The following RNF169 variants were observed in gnomAD, a reference collection of about 807,000 sequenced individuals.
RNF169 encodes ring finger protein 169, also known as E3 ubiquitin-protein ligase RNF169.
A neutral mutation model predicts 53.9 loss-of-function variants in RNF169; 24 were observed. The observed-to-expected ratio is 0.45, with a 90% CI of 0.32 to 0.63. The LOEUF is 0.63. Ranked by LOEUF, RNF169 falls within the 20% of genes least tolerant of loss-of-function variation. RNF169 has a pLI of 0.04. For missense variants in RNF169, 883 were observed against 906.2 expected (o/e 0.97, Z 0.33); for synonymous variants, 396 against 363.5 (o/e 1.09, Z -1.02).
chr11:74,792,832 G>A (rs2035597261), intron 2 of RNF169, among the ~76,000 whole-genome samples: 1 of 152,196 alleles, frequency 6.6e-6, no homozygotes, highest in African/African-American at 2.4e-5. Context: ...TTTGAGTGAA[G>A]CTAGGATAAT....
In RNF169 at chr11:74,836,736, A is replaced by C. The variant is rs760391346; in HGVS notation, c.*6A>C. On this transcript the variant is annotated 3_prime_UTR_variant, in exon 6 of 6. Transcript: ENST00000299563. ...ACATGGCCGGGGCCAAGTAGCACCT[A>C]ATGAAGTGTTACCTATTTTTAAAAG... The C allele has an allele frequency of 1.3e-6, 2 of 1,590,452 alleles. No homozygotes were observed. Among genetic ancestry groups the C allele is most frequent in the Non-Finnish European group, 1.7e-6 (2 of 1,168,230 alleles).
chr11:74,749,130 G>GGCC lies in RNF169; in HGVS notation c.251_253dup (p.Gly84_His85insArg). 7.5e-7 allele frequency: 1 copy of GGCC among 1,340,980 alleles called. No homozygotes were observed. The highest frequency in any genetic ancestry group is 9.6e-7 in the Non-Finnish European group (1 of 1,043,744). The allele number at this position is 1,340,980 out of a possible 1,614,324, so 83.1% of individuals were successfully genotyped here. A position where few individuals can be genotyped will look rare whatever the true frequency, so the allele number is the denominator to read the frequency against. On this transcript the variant is annotated inframe_insertion, in exon 1 of 6. Transcript: ENST00000299563. ...CGGAGAAGCAGCGGCCCTGCCGTGC[G>GGCC]GCCACTCGCTTTGCCGAGGCTGCGC...
chr11:74,773,337 G>A (rs951261360), intron 1 of RNF169, among the ~76,000 whole-genome samples: 6 of 152,178 alleles, frequency 3.9e-5, no homozygotes, highest in African/African-American at 1.4e-4. Flanking sequence ...TTCATGGACT[G>A]AGATTTACTG....
rs1201555628 is a variant in RNF169, at chr11:74,837,520, T to C, written c.*790T>C. ...AGCCTAGGGGAAGCTAGGCTGGGCA[T>C]TGAACACTGATAGTGCAGAATCCAC... On this transcript the variant is annotated 3_prime_UTR_variant, in exon 6 of 6. Transcript: ENST00000299563. 3.9e-5 allele frequency: 6 copies of C among 152,232 alleles called. No homozygotes were observed. The highest frequency in any genetic ancestry group is 5.9e-5 in the Non-Finnish European group (4 of 68,054). The allele number at this position is 152,232 out of a possible 1,614,324, so 9.4% of individuals were successfully genotyped here.
At chr11:74,799,113 AT>A (rs2035693481) in intron 2 of RNF169, among the ~76,000 whole-genome samples, 1 of 140,312 alleles carries the variant, frequency 7.1e-6, no homozygotes, top group South Asian at 2.4e-4. Context: ...CACTATTGCT[AT>A]TTTTTCTTCT....
At chr11:74,772,338 T>C (rs2035271742) in intron 1 of RNF169, among the ~76,000 whole-genome samples, 1 of 152,324 alleles carries the variant, frequency 6.6e-6, no homozygotes, top group East Asian at 1.9e-4. Context: ...TTCTGTTTTC[T>C]GGTCTGTAAA....
intron 1 of RNF169, among the ~76,000 whole-genome samples, chr11:74,750,872 T>TG (rs2034881482): frequency 1.7e-5 from 2 of 118,306 alleles, no homozygotes; most frequent in South Asian, 6.2e-4. Context: ...AAGGTTTTTT[T>TG]TTTTTTTTTT....
At chr11:74,767,163 A>G (rs1331454266) in intron 1 of RNF169, among the ~76,000 whole-genome samples, 1 of 152,136 alleles carries the variant, frequency 6.6e-6, no homozygotes, top group Non-Finnish European at 1.5e-5. Flanking sequence ...TTAAAATCTC[A>G]GGTGAAACAC....
chr11:74,811,324 C>G (rs1190595970), intron 3 of RNF169, among the ~76,000 whole-genome samples: 1 of 152,142 alleles, frequency 6.6e-6, no homozygotes, highest in East Asian at 1.9e-4. Flanking sequence ...TCACTGCAGC[C>G]TTAGCTTCCC....
intron 2 of RNF169, among the ~76,000 whole-genome samples, chr11:74,809,627 C>T (rs2035848596): frequency 6.6e-6 from 1 of 152,194 alleles, no homozygotes; most frequent in Non-Finnish European, 1.5e-5. Context: ...CAAGACCAGC[C>T]TGGGCAACAT....
At chr11:74,775,815 A>T (rs2035325050) in intron 1 of RNF169, among the ~76,000 whole-genome samples, 1 of 152,158 alleles carries the variant, frequency 6.6e-6, no homozygotes, top group Admixed American at 6.5e-5. Flanking sequence ...TTATTTATTT[A>T]TATGTCTGTC....
At chr11:74,806,242 C>G (rs1203547828) in intron 2 of RNF169, among the ~76,000 whole-genome samples, 1 of 152,176 alleles carries the variant, frequency 6.6e-6, no homozygotes, top group Non-Finnish European at 1.5e-5. Context: ...GCTGTTGTAG[C>G]TGTTGTACAT....
intron 1 of RNF169, among the ~76,000 whole-genome samples, chr11:74,779,039 G>A (rs1051825523): frequency 2.0e-5 from 3 of 152,134 alleles, no homozygotes; most frequent in Admixed American, 1.3e-4. Flanking sequence ...ACAAGTGTAT[G>A]GTCTGTCCAT....
chr11:74,835,907 A>C lies in RNF169; in HGVS notation c.1304A>C (p.Glu435Ala). Residue 435 changes from glutamate (E) to alanine (A), a missense_variant, in exon 6 of 6, where the codon GAA becomes GCA. By Grantham distance (107) the Glu-to-Ala change is moderately radical. Transcript: ENST00000299563. ...EASPRILKKW[E>A]QIFQERQIKK... ...AGTCCACGGATCCTCAAAAAGTGGGAACAGATCTTTCAGGAGCGGCAGATC... is the reference window on the plus strand; with the variant it reads ...AGTCCACGGATCCTCAAAAAGTGGGCACAGATCTTTCAGGAGCGGCAGATC... 1 of 1,614,192 alleles carries C rather than the reference A, an allele frequency of 6.2e-7. No individual in the cohort carries two copies. Among genetic ancestry groups the C allele is most frequent in the Non-Finnish European group, 8.5e-7 (1 of 1,180,034 alleles).
chr11:74,824,671 A>G (rs957969864), intron 4 of RNF169, among the ~76,000 whole-genome samples: 7 of 152,250 alleles, frequency 4.6e-5, no homozygotes, highest in Non-Finnish European at 8.8e-5. Flanking sequence ...AGAATTACCA[A>G]AACGTGACAC....
chr11:74,805,328 T>C (rs185150038), intron 2 of RNF169, among the ~76,000 whole-genome samples: 11 of 152,306 alleles, frequency 7.2e-5, no homozygotes, highest in Middle Eastern at 3.4e-3. Context: ...AAAACTAATA[T>C]AGTAATCAGA....
intron 4 of RNF169, among the ~76,000 whole-genome samples, chr11:74,821,327 G>C (rs898320262): frequency 1.3e-5 from 2 of 152,170 alleles, no homozygotes; most frequent in African/African-American, 4.8e-5. Context: ...TTTTGGAATA[G>C]AGCTATGGAA....
chr11:74,785,210 GATATATATATGTTATATATATTAT>G (rs1565176538), intron 1 of RNF169, among the ~76,000 whole-genome samples: 1 of 63,358 alleles, frequency 1.6e-5, no homozygotes, highest in Non-Finnish European at 2.5e-5. Flanking sequence ...ATATATATAT[GATATATATATGTTATATATATTAT>G]ATATATGTTA....
chr11:74,763,399 C>T (rs751545435), intron 1 of RNF169, among the ~76,000 whole-genome samples: 5 of 152,026 alleles, frequency 3.3e-5, no homozygotes, highest in Non-Finnish European at 7.4e-5. Context: ...TCCAAGAACT[C>T]GGATAAGAGA....
Sources: gnomAD v4.1 joint callset for allele counts (sites outside exome capture counted in the v4.1 genomes callset) on GRCh38, gnomAD v4.1.1 for gene constraint, MANE v1.5 for transcripts, NCBI Gene and HGNC (gene_info 2026-07-23, HGNC 2026-07-21) for gene names.